The following ARHGAP24 variants were observed in gnomAD, a reference collection of about 807,000 sequenced individuals.
The protein encoded by ARHGAP24 is rho GTPase-activating protein 24.
A neutral mutation model predicts 76.4 loss-of-function variants in ARHGAP24; 50 were observed. The ratio of observed to expected loss-of-function variants is 0.65; its 90% CI spans 0.52 to 0.83. The LOEUF (loss-of-function observed/expected upper bound fraction) is 0.83, where lower values mean the gene tolerates loss of function less well. ARHGAP24 is among the 40% of genes least tolerant of loss of function. The probability of loss-of-function intolerance (pLI) is 0.00; values close to 1 mark genes in which losing one functional copy is unlikely to be tolerated. For missense variants in ARHGAP24, 930 were observed against 914.2 expected, an observed-to-expected ratio of 1.02 and a Z score of -0.22; for synonymous variants, 345 against 323.3, an observed-to-expected ratio of 1.07 and a Z score of -0.72.
chr4:85,755,378 T>C (rs914861488), intron 3 of ARHGAP24, among the ~76,000 whole-genome samples: 3 of 152,070 alleles, frequency 2.0e-5, no homozygotes, highest in Non-Finnish European at 4.4e-5. Context: ...AGAATTTAGA[T>C]ACCCCTACAC....
intron 2 of ARHGAP24, among the ~76,000 whole-genome samples, chr4:85,672,037 A>G (rs1167353362): frequency 1.3e-5 from 2 of 152,216 alleles, no homozygotes; most frequent in African/African-American, 4.8e-5. Flanking sequence ...TGTGAACACA[A>G]CACAGTTTTC....
intron 1 of ARHGAP24, among the ~76,000 whole-genome samples, chr4:85,495,846 A>G (rs1353479922): frequency 2.0e-5 from 3 of 152,194 alleles, no homozygotes; most frequent in Non-Finnish European, 4.4e-5. Flanking sequence ...GTCTCTCCTT[A>G]GCTGTAATTT....
rs143223595 is a variant in ARHGAP24 at position 85,525,839 on chromosome 4, T to C, written c.-20-44683T>C. Reference sequence around the variant, plus strand: ...CAAAATGAGCCACAACCTAGAGTTCTTGAAGTGTTGTCATGAATGTTCTCC... The same window carrying C: ...CAAAATGAGCCACAACCTAGAGTTCCTGAAGTGTTGTCATGAATGTTCTCC... On this transcript the variant is annotated intron_variant, in intron 1 of 9. Transcript: ENST00000395184. 1.7e-3 allele frequency among the ~76,000 whole-genome samples: 258 copies of C among 152,300 alleles called. 2 individuals carry two copies. Among genetic ancestry groups the C allele is most frequent in the African/African-American group, 6.1e-3 (253 of 41,580 alleles).
intron 3 of ARHGAP24, among the ~76,000 whole-genome samples, chr4:85,825,438 A>C (rs1214255184): frequency 6.6e-6 from 1 of 152,206 alleles, no homozygotes; most frequent in African/African-American, 2.4e-5. Context: ...TCCACACTAC[A>C]GTTGAAAAAA....
intron 4 of ARHGAP24, among the ~76,000 whole-genome samples, chr4:85,931,755 AG>A (rs1228949561): frequency 1.3e-5 from 2 of 152,220 alleles, no homozygotes; most frequent in Non-Finnish European, 2.9e-5. Flanking sequence ...AAATGTTTTC[AG>A]GAAAAGTTTA....
intron 2 of ARHGAP24, among the ~76,000 whole-genome samples, chr4:85,690,969 G>A (rs1723632735): frequency 6.6e-6 from 1 of 151,908 alleles, no homozygotes; most frequent in African/African-American, 2.4e-5. Context: ...TACCTTCTTG[G>A]TGAAGGTGTT....
intron 4 of ARHGAP24, among the ~76,000 whole-genome samples, chr4:85,939,065 A>C (rs1036818697): frequency 1.1e-4 from 17 of 152,118 alleles, no homozygotes; most frequent in Admixed American, 7.9e-4. Flanking sequence ...GCTGTGTGAC[A>C]TTTGGCAAGT....
chr4:85,717,411 G>A (rs1228781571), intron 2 of ARHGAP24, among the ~76,000 whole-genome samples: 1 of 152,072 alleles, frequency 6.6e-6, no homozygotes, highest in East Asian at 1.9e-4. Context: ...TTTTAAGAGT[G>A]TGGTATCATT....
At chr4:85,972,990 A>C (rs1413333140) in intron 6 of ARHGAP24, among the ~76,000 whole-genome samples, 1 of 151,928 alleles carries the variant, frequency 6.6e-6, no homozygotes, top group Non-Finnish European at 1.5e-5. Flanking sequence ...TTTTTTCATT[A>C]TTTGGCTATT....
chr4:85,711,285 T>C (rs1235435903), intron 2 of ARHGAP24, among the ~76,000 whole-genome samples: 4 of 151,596 alleles, frequency 2.6e-5, no homozygotes, highest in Admixed American at 6.6e-5. Flanking sequence ...GAAAAATAAC[T>C]ATTGGGTACT....
At chr4:85,748,595 A>T (rs1726139355) in intron 3 of ARHGAP24, among the ~76,000 whole-genome samples, 1 of 152,232 alleles carries the variant, frequency 6.6e-6, no homozygotes, top group Admixed American at 6.5e-5. Context: ...AGTATTTTTA[A>T]ATTGTGGATA....
intron 1 of ARHGAP24, among the ~76,000 whole-genome samples, chr4:85,523,583 G>A (rs76103265): frequency 0.014 from 2,130 of 152,230 alleles, 55 homozygotes; most frequent in African/African-American, 0.048. Flanking sequence ...CTCAACTTTA[G>A]TTATTCCTTT....
In ARHGAP24 at chr4:85,623,479, T is replaced by A. The variant is rs142372627; in HGVS notation, c.180+52758T>A. ...ATATCTCTGTTTTGGTACTATGCTG[T>A]TTTGGTTACTATAGCCTTGTAGTAT... is the stretch of plus-strand genomic sequence containing the variant. On this transcript the variant is annotated intron_variant, in intron 2 of 9. Coordinates refer to ENST00000395184, the MANE Select transcript of ARHGAP24 (RefSeq NM_001025616.3). Among the ~76,000 whole-genome samples the A allele has an allele frequency of 1.2e-4, 18 of 151,778 alleles. No homozygotes were observed. In the East Asian group the frequency reaches 3.5e-3, roughly 29 times the overall value.
chr4:85,958,988 A>T (rs1243211754), intron 5 of ARHGAP24, among the ~76,000 whole-genome samples: 1 of 152,162 alleles, frequency 6.6e-6, no homozygotes, highest in African/African-American at 2.4e-5. Context: ...AAGGGTCCAG[A>T]GGGTTCTTGG....
intron 3 of ARHGAP24, among the ~76,000 whole-genome samples, chr4:85,864,573 T>C (rs1182863249): frequency 1.3e-5 from 2 of 151,962 alleles, no homozygotes; most frequent in African/African-American, 4.8e-5. Flanking sequence ...GCCAAACTTA[T>C]GATAGACAGG....
intron 2 of ARHGAP24, among the ~76,000 whole-genome samples, chr4:85,596,935 A>T (rs532429847): frequency 5.3e-5 from 8 of 152,174 alleles, no homozygotes; most frequent in Admixed American, 2.6e-4. Flanking sequence ...ATATATTTTT[A>T]AAAAAAATTA....
At chr4:85,934,146 G>A (rs1157227776) in intron 4 of ARHGAP24, among the ~76,000 whole-genome samples, 1 of 152,160 alleles carries the variant, frequency 6.6e-6, no homozygotes, top group Non-Finnish European at 1.5e-5. Flanking sequence ...TTCCCTATCT[G>A]TATTTCTAAA....
At chr4:85,886,803 G>A (rs964351953) in intron 3 of ARHGAP24, among the ~76,000 whole-genome samples, 10 of 152,046 alleles carry the variant, frequency 6.6e-5, no homozygotes, top group Admixed American at 5.9e-4. Flanking sequence ...ACACTGATAT[G>A]AAAATAATAG....
At chr4:85,593,337 T>C (rs1166740925) in intron 2 of ARHGAP24, among the ~76,000 whole-genome samples, 1 of 152,212 alleles carries the variant, frequency 6.6e-6, no homozygotes, top group African/African-American at 2.4e-5. Flanking sequence ...TTTGAGCTGC[T>C]TATATATTCT....
Sources: gnomAD v4.1 joint callset for allele counts (sites outside exome capture counted in the v4.1 genomes callset) on GRCh38, gnomAD v4.1.1 for gene constraint, MANE v1.5 for transcripts, NCBI Gene and HGNC (gene_info 2026-07-23, HGNC 2026-07-21) for gene names.